Variants in PCDHGA1 observed in about 807,000 individuals in gnomAD.
PCDHGA1 encodes protocadherin gamma subfamily A, 1.
In PCDHGA1, 32 loss-of-function variants were observed where a neutral mutation model predicts 58.0. That is an observed-to-expected ratio of 0.55 (90% CI 0.42 to 0.74). PCDHGA1 has a LOEUF of 0.74. Ranked by LOEUF, PCDHGA1 falls within the 30% of genes least tolerant of loss-of-function variation. PCDHGA1 has a pLI of 0.00. For synonymous variants in PCDHGA1, 498 were observed against 501.1 expected (o/e 0.99, Z 0.08); for missense variants, 1,205 against 1,182.3 (o/e 1.02, Z -0.28).
At chr5:141,401,561 T>A (rs1436115390) in intron 1 of PCDHGA1, among the ~76,000 whole-genome samples, 1 of 152,230 alleles carries the variant, frequency 6.6e-6, no homozygotes, top group Non-Finnish European at 1.5e-5. Flanking sequence ...ATTGCCTGAA[T>A]TTCTCTTGCT....
In PCDHGA1 at chr5:141,477,125, A is replaced by G; in HGVS notation, c.2422-17682A>G. The G allele has an allele frequency of 2.5e-6, 4 of 1,614,212 alleles. No individual in the cohort carries two copies. The highest frequency in any genetic ancestry group is 3.4e-6 in the Non-Finnish European group (4 of 1,180,036). On this transcript the variant is annotated intron_variant, in intron 1 of 3. Transcript: ENST00000517417. This position sits in a 1 kb window ranked among gnomAD's most constrained non-coding sequence, Gnocchi z 4.9. ...CGCCAATCCCGAAGGAGCACATTGC[A>G]AAGTGTTGGTGGAGGTTGTGGATGT...
At chr5:141,436,104 G>A (rs368559994) in intron 1 of PCDHGA1, among the ~76,000 whole-genome samples, 10 of 152,086 alleles carry the variant, frequency 6.6e-5, no homozygotes, top group East Asian at 3.9e-4. Flanking sequence ...AGAAATAGAG[G>A]ACAATGAAAC....
rs1763342277 is a variant in PCDHGA1, at chr5:141,364,464, T to C, written c.2421+31359T>C. 1.2e-6 allele frequency: 2 copies of C among 1,613,996 alleles called. No individual in the cohort carries two copies. The highest frequency in any genetic ancestry group is 1.3e-5 in the African/African-American group (1 of 75,072). On this transcript the variant is annotated intron_variant, in intron 1 of 3. Transcript: ENST00000517417. The stretch of plus-strand genomic sequence containing the variant: ...GAGGAGCTGGACAAAGGCTCCTTCG[T>C]CGGCAACATAGCCAAGGACCTTGGG...
At chr5:141,460,214 G>A (rs925628892) in intron 1 of PCDHGA1, among the ~76,000 whole-genome samples, 2 of 151,896 alleles carry the variant, frequency 1.3e-5, no homozygotes, top group Admixed American at 6.6e-5. Flanking sequence ...CATTTTCTTA[G>A]TTGTGTCTTT....
intron 1 of PCDHGA1, chr5:141,373,940 C>T: frequency 1.4e-6 from 1 of 716,494 alleles, no homozygotes; most frequent in East Asian, 3.0e-5. Flanking sequence ...AGCAGGAAAG[C>T]TGTGCAGAAA....
chr5:141,505,634 A>T, intron 3 of PCDHGA1, 153 bp downstream of exon 3: 6 of 971,426 alleles, frequency 6.2e-6, no homozygotes, highest in Non-Finnish European at 7.3e-6. Context: ...CCAAACATAA[A>T]GCCTGGAATT....
chr5:141,369,695 A>C (rs1418423845), intron 1 of PCDHGA1, among the ~76,000 whole-genome samples: 3 of 152,228 alleles, frequency 2.0e-5, no homozygotes, highest in African/African-American at 4.8e-5. Flanking sequence ...ATAAAACTAA[A>C]AGCTATGACA....
At chr5:141,382,895 C>A (rs1554087243) in intron 1 of PCDHGA1, 1 of 1,536,202 alleles carries the variant, frequency 6.5e-7, no homozygotes, top group South Asian at 1.3e-5. Flanking sequence ...AGAAGCAGGA[C>A]GACTATGGCG....
chr5:141,332,124 C>T lies in PCDHGA1; in HGVS notation c.1440C>T (p.Asp480=). The T allele has an allele frequency of 6.2e-7, 1 of 1,614,182 alleles. No individual in the cohort carries two copies. Among genetic ancestry groups the T allele is most frequent in the Non-Finnish European group, 8.5e-7 (1 of 1,180,036 alleles). The change falls in exon 1 of 4, where the codon GAC becomes GAT. Residue 480 remains aspartate, a synonymous_variant. Transcript: ENST00000517417. The surrounding 1 kb of genome is among the most constrained non-coding windows in gnomAD (Gnocchi z 4.6). ...TCTCTGTGAGGGCCCACGACTTGGACAGCAATGAGAATGCACAAATCACTT... is the reference window on the plus strand; with the variant it reads ...TCTCTGTGAGGGCCCACGACTTGGATAGCAATGAGAATGCACAAATCACTT... ...SIFSVRAHDL[D]SNENAQITYS...
chr5:141,383,157 T>A, intron 1 of PCDHGA1: 1 of 1,614,076 alleles, frequency 6.2e-7, no homozygotes, highest in Non-Finnish European at 8.5e-7. Context: ...GCTTGGTCAC[T>A]GCGGGCAGGA....
intron 1 of PCDHGA1, among the ~76,000 whole-genome samples, chr5:141,335,893 C>T (rs1479008054): frequency 6.6e-6 from 1 of 151,988 alleles, no homozygotes. Flanking sequence ...ATGAAAACTA[C>T]TCAGAAAAAA....
intron 1 of PCDHGA1, chr5:141,423,558 G>T: frequency 1.2e-6 from 2 of 1,613,580 alleles, no homozygotes; most frequent in Non-Finnish European, 1.7e-6. Context: ...CCAACTATGG[G>T]GACACGCTCA....
intron 1 of PCDHGA1, among the ~76,000 whole-genome samples, chr5:141,452,103 TTTCTC>T (rs1428635203): frequency 1.3e-5 from 2 of 152,186 alleles, no homozygotes; most frequent in African/African-American, 4.8e-5. Context: ...AGAGCTTTCT[TTTCTC>T]TTCTTATTTA....
intron 1 of PCDHGA1, chr5:141,362,686 T>G: frequency 8.8e-7 from 1 of 1,140,560 alleles, no homozygotes; most frequent in Non-Finnish European, 1.2e-6. Flanking sequence ...TGTCTTAATC[T>G]TATCTAACTG....
chr5:141,412,385 A>G (rs1041538045), intron 1 of PCDHGA1: 8 of 152,236 alleles, frequency 5.3e-5, no homozygotes, highest in African/African-American at 1.9e-4. Flanking sequence ...AAATAGGTCC[A>G]TTTAACTTGT....
At chr5:141,370,972 A>G in intron 1 of PCDHGA1, 1 of 1,614,000 alleles carries the variant, frequency 6.2e-7, no homozygotes, top group Non-Finnish European at 8.5e-7. Context: ...AGGTACCCAG[A>G]GCTAGTACTG....
intron 1 of PCDHGA1, among the ~76,000 whole-genome samples, chr5:141,464,888 GCCACCATGT>G (rs1351812446): frequency 6.6e-6 from 1 of 152,000 alleles, no homozygotes; most frequent in East Asian, 1.9e-4. Context: ...ACAGATGGAT[GCCACCATGT>G]CCAGCTAATT....
At chr5:141,459,531 A>G (rs1479666418) in intron 1 of PCDHGA1, among the ~76,000 whole-genome samples, 2 of 152,184 alleles carry the variant, frequency 1.3e-5, no homozygotes, top group Admixed American at 1.3e-4. Context: ...TTTTGTAGGC[A>G]TATTTTTTTT....
intron 1 of PCDHGA1, chr5:141,382,927 T>G: frequency 6.3e-7 from 1 of 1,579,076 alleles, no homozygotes; most frequent in Non-Finnish European, 8.6e-7. Context: ...GGGCGGGGAC[T>G]ACAGAGGATT....
Sources: gnomAD v4.1 joint callset for allele counts (sites outside exome capture counted in the v4.1 genomes callset) on GRCh38, gnomAD v4.1.1 for gene constraint, Gnocchi (gnomAD v3.1) non-coding constraint, MANE v1.5 for transcripts, NCBI Gene and HGNC (gene_info 2026-07-23, HGNC 2026-07-21) for gene names.